MIR2052HG: variants seen among roughly 807,000 people sequenced by gnomAD.
MIR2052HG encodes the protein MIR2052 host gene.
intron 2 of MIR2052HG, among the ~76,000 whole-genome samples, chr8:74,649,066 C>CAA (rs534886663): frequency 1.4e-5 from 2 of 139,328 alleles, no homozygotes; most frequent in Non-Finnish European, 3.1e-5. Context: ...GAGACAGAGG[C>CAA]AAAAAAAAAA....
chr8:74,669,605 T>A (rs1808968864), intron 2 of MIR2052HG, among the ~76,000 whole-genome samples: 1 of 152,204 alleles, frequency 6.6e-6, no homozygotes, highest in Non-Finnish European at 1.5e-5. Context: ...CTTACGTATC[T>A]CATGATCCAT....
intron 2 of MIR2052HG, among the ~76,000 whole-genome samples, chr8:74,676,741 TTAA>T (rs1399612333): frequency 1.3e-5 from 2 of 151,878 alleles, no homozygotes; most frequent in African/African-American, 2.4e-5. Context: ...GTGACTACCG[TTAA>T]TAATAATGCA....
At chr8:74,718,484 T>C (rs1809542833) in intron 4 of MIR2052HG, among the ~76,000 whole-genome samples, 1 of 151,780 alleles carries the variant, frequency 6.6e-6, no homozygotes, top group South Asian at 2.1e-4. Flanking sequence ...AGCCAGTGAG[T>C]AGGAGGAAAG....
chr8:74,631,593 T>C (rs1808512386), intron 2 of MIR2052HG, among the ~76,000 whole-genome samples: 1 of 152,190 alleles, frequency 6.6e-6, no homozygotes, highest in Non-Finnish European at 1.5e-5. Flanking sequence ...GATGTGATGG[T>C]TTCTGTGAAT....
At position 74,678,390 on chromosome 8, in the gene MIR2052HG, C is replaced by T. The variant is rs1809078584; in HGVS notation, n.217-23989C>T. 1.3e-5 allele frequency among the ~76,000 whole-genome samples: 2 copies of T among 151,808 alleles called. 1 individual carries two copies. Among genetic ancestry groups the T allele is most frequent in the South Asian group, 4.2e-4 (2 of 4,808 alleles). On this transcript the variant is annotated intron_variant and non_coding_transcript_variant, in intron 2 of 6. Transcript: ENST00000523442. ...CCTAGCCAACATGGTGAAACCCCGT[C>T]TCTACTAAAAATAAATACAAAAATT...
At chr8:74,636,676 A>G (rs750431072) in intron 2 of MIR2052HG, among the ~76,000 whole-genome samples, 5 of 152,054 alleles carry the variant, frequency 3.3e-5, no homozygotes, top group Non-Finnish European at 5.9e-5. Flanking sequence ...CATGCTACCT[A>G]TCGTATACCC....
intron 2 of MIR2052HG, among the ~76,000 whole-genome samples, chr8:74,695,609 C>T (rs188367495): frequency 7.3e-5 from 11 of 151,546 alleles, no homozygotes; most frequent in Admixed American, 5.3e-4. Flanking sequence ...GGTAAAGGGG[C>T]GGAAAATGTT....
intron 4 of MIR2052HG, among the ~76,000 whole-genome samples, chr8:74,746,567 A>AGTGTGT (rs72103010): frequency 0.024 from 3,552 of 147,604 alleles, 104 homozygotes; most frequent in African/African-American, 0.072. Flanking sequence ...GAGGAGAAGA[A>AGTGTGT]GTGTGTGTGT....
intron 4 of MIR2052HG, among the ~76,000 whole-genome samples, chr8:74,742,140 C>T (rs1237534745): frequency 6.6e-6 from 1 of 152,148 alleles, no homozygotes; most frequent in African/African-American, 2.4e-5. Context: ...TCCTGTCCCC[C>T]CAGTTGCAGT....
chr8:74,607,556 G>A (rs1475344794), intron 1 of MIR2052HG, among the ~76,000 whole-genome samples: 1 of 152,144 alleles, frequency 6.6e-6, no homozygotes, highest in Non-Finnish European at 1.5e-5. Flanking sequence ...AGGTTGCAGT[G>A]AGCCAAGATC....
intron 4 of MIR2052HG, among the ~76,000 whole-genome samples, chr8:74,751,971 C>G (rs531840976): frequency 1.3e-5 from 2 of 151,980 alleles, no homozygotes; most frequent in African/African-American, 4.8e-5. Flanking sequence ...ACATTGTCAG[C>G]AGACTTTTCA....
intron 2 of MIR2052HG, among the ~76,000 whole-genome samples, chr8:74,666,552 G>C (rs1272012919): frequency 1.3e-5 from 2 of 152,156 alleles, no homozygotes; most frequent in Non-Finnish European, 2.9e-5. Context: ...CTGTGTCACA[G>C]GACCTGGAAA....
intron 2 of MIR2052HG, among the ~76,000 whole-genome samples, chr8:74,659,751 G>T (rs1808842115): frequency 6.6e-6 from 1 of 152,148 alleles, no homozygotes; most frequent in South Asian, 2.1e-4. Flanking sequence ...GGCCAACCAT[G>T]TGCTTTTCTG....
chr8:74,696,269 A>G (rs1264123708), intron 2 of MIR2052HG, among the ~76,000 whole-genome samples: 1 of 152,164 alleles, frequency 6.6e-6, no homozygotes, highest in Non-Finnish European at 1.5e-5. Flanking sequence ...AATTATTTGA[A>G]CTGAACGATA....
chr8:74,706,621 T>C (rs1055105527), intron 4 of MIR2052HG, among the ~76,000 whole-genome samples: 3 of 152,070 alleles, frequency 2.0e-5, no homozygotes, highest in African/African-American at 7.2e-5. Flanking sequence ...TTTCATTTGC[T>C]GGCAACGAGA....
intron 2 of MIR2052HG, among the ~76,000 whole-genome samples, chr8:74,615,869 T>G (rs528033454): frequency 6.6e-6 from 1 of 152,156 alleles, no homozygotes; most frequent in Non-Finnish European, 1.5e-5. Context: ...GTGTTTGGTT[T>G]TCTGTCCTTG....
chr8:74,654,035 C>CAG (rs2128736357), intron 2 of MIR2052HG, among the ~76,000 whole-genome samples: 1 of 152,266 alleles, frequency 6.6e-6, no homozygotes, highest in African/African-American at 2.4e-5. Context: ...AGAGGCACCT[C>CAG]AGGACCAGTT....
At chr8:74,722,768 A>G (rs1028658406) in intron 4 of MIR2052HG, among the ~76,000 whole-genome samples, 2 of 152,328 alleles carry the variant, frequency 1.3e-5, no homozygotes, top group South Asian at 2.1e-4. Context: ...AATTTTCACC[A>G]GAACTTTTGT....
At chr8:74,722,720 T>C (rs1329170774) in intron 4 of MIR2052HG, among the ~76,000 whole-genome samples, 1 of 152,242 alleles carries the variant, frequency 6.6e-6, no homozygotes, top group African/African-American at 2.4e-5. Context: ...TAATTAGTAT[T>C]TGTTAAGAAT....
Sources: gnomAD v4.1 joint callset for allele counts (sites outside exome capture counted in the v4.1 genomes callset) on GRCh38, gnomAD v4.1.1 for gene constraint, MANE v1.5 for transcripts, NCBI Gene and HGNC (gene_info 2026-07-23, HGNC 2026-07-21) for gene names.